The following KIAA1549L variants were observed in gnomAD, a reference collection of about 807,000 sequenced individuals.
KIAA1549L encodes KIAA1549 like, also known as UPF0606 protein KIAA1549L.
In KIAA1549L, 88 loss-of-function variants were observed where a neutral mutation model predicts 160.7. That is an observed-to-expected ratio of 0.55 (90% confidence interval 0.46 to 0.65). The LOEUF is 0.65. Ranked by LOEUF, KIAA1549L falls within the 30% of genes least tolerant of loss-of-function variation. The probability of loss-of-function intolerance (pLI) is 0.00; values close to 1 mark genes in which losing one functional copy is unlikely to be tolerated. For missense variants in KIAA1549L, 2,258 were observed against 2,437.5 expected (o/e 0.93, Z 1.55); for synonymous variants, 950 against 976.7 (o/e 0.97, Z 0.51).
At chr11:33,589,060 A>G (rs1242151601) in intron 11 of KIAA1549L, among the ~76,000 whole-genome samples, 1 of 152,192 alleles carries the variant, frequency 6.6e-6, no homozygotes, top group African/African-American at 2.4e-5. Flanking sequence ...AGCTGCTGAA[A>G]TTTACAAGAA....
intron 16 of KIAA1549L, among the ~76,000 whole-genome samples, chr11:33,620,290 G>A (rs545408520): frequency 2.7e-4 from 41 of 152,282 alleles, no homozygotes; most frequent in African/African-American, 9.6e-4. Flanking sequence ...TACTTTAGGG[G>A]AAGCCTGCTT....
In KIAA1549L at chr11:33,618,592, G is replaced by T; in HGVS notation, c.5339G>T (p.Gly1780Val). The part of the protein sequence containing the change: ...SRQSLNSPSP[G>V]ETEMDLLVTR... ...CAGTCTCTGAACAGCCCGAGTCCAG[G>T]GGAAACCGAGATGGACCTTCTGGTG... The change falls in exon 16 of 21, where the codon GGG (glycine) becomes GTG (valine). Residue 1780 changes from glycine to valine, a missense_variant. Gly to Val is a moderately radical substitution (Grantham distance 109). Coordinates refer to ENST00000658780, the MANE Select transcript of KIAA1549L (RefSeq NM_012194.3). 1 of 1,611,076 alleles carries T rather than the reference G, an allele frequency of 6.2e-7. No individual in the cohort carries two copies. The highest frequency in any genetic ancestry group is 1.1e-5 in the South Asian group (1 of 90,494).
intron 1 of KIAA1549L, among the ~76,000 whole-genome samples, chr11:33,533,035 A>G (rs1490118035): frequency 6.6e-6 from 1 of 152,224 alleles, no homozygotes; most frequent in Non-Finnish European, 1.5e-5. Context: ...CTTAAGTAGC[A>G]GACTCTGGGG....
At chr11:33,544,457 A>AC (rs1413062040) in intron 2 of KIAA1549L, 121 bp downstream of exon 2, 1 of 1,072,920 alleles carries the variant, frequency 9.3e-7, no homozygotes. Context: ...AGGAGCTCAT[A>AC]CCCCCGATCA....
At position 33,662,098 on chromosome 11, in the gene KIAA1549L, A is replaced by T. The variant is rs557364174; in HGVS notation, c.6159+1084A>T. Among the ~76,000 whole-genome samples, 6 of 152,304 alleles carry T rather than the reference A, an allele frequency of 3.9e-5. No homozygotes were observed. The East Asian group carries it at 1.2e-3, about 29-fold the overall frequency. Reference sequence around the variant, plus strand: ...CTTTTATGAATGATTCAGTATCCTTATGATGCCTCATTATACTAAAATGGC... The same window carrying T: ...CTTTTATGAATGATTCAGTATCCTTTTGATGCCTCATTATACTAAAATGGC... On this transcript the variant is annotated intron_variant, in intron 20 of 20. Coordinates refer to ENST00000658780, the MANE Select transcript of KIAA1549L (RefSeq NM_012194.3).
At chr11:33,624,767 T>G (rs1193303634) in intron 16 of KIAA1549L, among the ~76,000 whole-genome samples, 1 of 151,732 alleles carries the variant, frequency 6.6e-6, no homozygotes, top group African/African-American at 2.4e-5. Context: ...TTTTTTTTAT[T>G]ATTATTATAC....
At position 33,618,545 on chromosome 11, in the gene KIAA1549L, G is replaced by T; in HGVS notation, c.5292G>T (p.Lys1764Asn). ...FTESKNRQQM[K>N]NSVYRSRQSL... ...GAATTTTCTTCAGGCAACAGATGAA[G>T]AACTCTGTCTACAGAAGCCGGCAGT... Residue 1764 changes from lysine (K) to asparagine (N), a missense_variant, in exon 16 of 21, where the codon AAG becomes AAT. Around this residue, in one of 6 missense-constraint regions of KIAA1549L, gnomAD observed 1,359 missense variants for 1,546.6 expected, o/e 0.88. Transcript: ENST00000658780. The T allele has an allele frequency of 1.2e-6, 2 of 1,606,478 alleles. No individual in the cohort carries two copies. Among genetic ancestry groups the T allele is most frequent in the South Asian group, 2.2e-5 (2 of 90,450 alleles).
At chr11:33,426,011 C>T (rs1379932788) in intron 1 of KIAA1549L, among the ~76,000 whole-genome samples, 3 of 152,162 alleles carry the variant, frequency 2.0e-5, no homozygotes, top group African/African-American at 7.2e-5. Context: ...GAGGAACTGT[C>T]ACAGATTGGT....
At chr11:33,389,910 T>C (rs1406193841) in intron 1 of KIAA1549L, among the ~76,000 whole-genome samples, 2 of 152,222 alleles carry the variant, frequency 1.3e-5, no homozygotes, top group Non-Finnish European at 2.9e-5. Context: ...ATCACCTAGC[T>C]ACACAACTAA....
intron 15 of KIAA1549L, among the ~76,000 whole-genome samples, chr11:33,615,767 T>A (rs1850793010): frequency 1.3e-5 from 2 of 152,226 alleles, no homozygotes; most frequent in Admixed American, 6.5e-5. Flanking sequence ...CCTACTTAAG[T>A]GTCAATTGCT....
chr11:33,422,151 G>A (rs1016675781), intron 1 of KIAA1549L, among the ~76,000 whole-genome samples: 2 of 151,946 alleles, frequency 1.3e-5, no homozygotes, highest in African/African-American at 4.8e-5. Context: ...TTCTGCAAAT[G>A]TCATCCAAGA....
intron 20 of KIAA1549L, among the ~76,000 whole-genome samples, chr11:33,666,054 T>C (rs1315210583): frequency 6.6e-6 from 1 of 151,848 alleles, no homozygotes; most frequent in African/African-American, 2.4e-5. Flanking sequence ...GGTGGGGTGG[T>C]TGTAGCAGTA....
intron 16 of KIAA1549L, among the ~76,000 whole-genome samples, chr11:33,619,763 G>A (rs189383117): frequency 3.7e-4 from 57 of 152,150 alleles, no homozygotes; most frequent in South Asian, 8.3e-4. Flanking sequence ...GATGCTTTGG[G>A]CAAATCTTTT....
At position 33,458,838 on chromosome 11, in the gene KIAA1549L, G is replaced by A. The variant is rs183754822; in HGVS notation, c.238+81949G>A. ...GCTCGAGGTGACCCCTGGGCTGATA[G>A]CTTGTGTCCCCCCTGGGAAGCTCTG... is the stretch of plus-strand genomic sequence containing the variant. On this transcript the variant is annotated intron_variant, in intron 1 of 20. Transcript: ENST00000658780. Among the ~76,000 whole-genome samples, 73 of 152,300 alleles carry A rather than the reference G, an allele frequency of 4.8e-4. 1 individual carries two copies. The highest frequency in any genetic ancestry group is 1.5e-3 in the African/African-American group (61 of 41,570).
chr11:33,641,636 A>G (rs1851589781), intron 16 of KIAA1549L, among the ~76,000 whole-genome samples: 1 of 102,168 alleles, frequency 9.8e-6, no homozygotes, highest in Admixed American at 1.0e-4. Context: ...ATATATATAC[A>G]CAGTGGGTAA....
At chr11:33,482,162 G>A (rs1208321885) in intron 1 of KIAA1549L, among the ~76,000 whole-genome samples, 1 of 152,098 alleles carries the variant, frequency 6.6e-6, no homozygotes, top group Admixed American at 6.5e-5. Context: ...ACTAGTGTAA[G>A]CAAAGGTTAT....
chr11:33,650,368 T>C (rs1851849838), intron 17 of KIAA1549L, among the ~76,000 whole-genome samples: 1 of 152,220 alleles, frequency 6.6e-6, no homozygotes, highest in African/African-American at 2.4e-5. Context: ...GGAGAATCCT[T>C]ATCTCAGCCC....
intron 1 of KIAA1549L, among the ~76,000 whole-genome samples, chr11:33,506,785 A>T (rs1447808047): frequency 6.6e-6 from 1 of 152,182 alleles, no homozygotes; most frequent in African/African-American, 2.4e-5. Flanking sequence ...GAACATAAAA[A>T]TATTTGAAAA....
chr11:33,475,961 C>T (rs1852277367), intron 1 of KIAA1549L, among the ~76,000 whole-genome samples: 1 of 152,202 alleles, frequency 6.6e-6, no homozygotes, highest in Non-Finnish European at 1.5e-5. Flanking sequence ...GGCCTGGTCA[C>T]ATTAGTATCC....
Sources: allele counts gnomAD v4.1 joint callset (sites outside exome capture counted in the v4.1 genomes callset), GRCh38; gene constraint gnomAD v4.1.1; regional missense constraint gnomAD v4.1.1; transcripts MANE v1.5; gene names NCBI Gene and HGNC (gene_info 2026-07-23, HGNC 2026-07-21).